CADM2: variants seen among roughly 807,000 people sequenced by gnomAD.
CADM2 encodes cell adhesion molecule 2.
Under a neutral mutation model 49.8 loss-of-function variants are expected in CADM2, and 12 were observed. The ratio of observed to expected loss-of-function variants is 0.24; its 90% CI spans 0.15 to 0.39. CADM2 has a LOEUF of 0.39. Among genes scored for constraint, CADM2 ranks in the 10% least tolerant of loss-of-function variants. CADM2 has a pLI of 1.00. For synonymous variants in CADM2, 214 were observed against 175.4 expected, an observed-to-expected ratio of 1.22 and a Z score of -1.74; for missense variants, 378 against 492.3, an observed-to-expected ratio of 0.77 and a Z score of 2.20.
At chr3:85,086,457 GA>G (rs2037379889) in intron 1 of CADM2, among the ~76,000 whole-genome samples, 1 of 146,506 alleles carries the variant, frequency 6.8e-6, no homozygotes, top group African/African-American at 2.5e-5. Flanking sequence ...TATTTTTAAA[GA>G]AAATATAGAT....
chr3:85,959,104 ATATC>A (rs1724480998), intron 7 of CADM2, among the ~76,000 whole-genome samples: 2 of 149,880 alleles, frequency 1.3e-5, no homozygotes, highest in Admixed American at 1.3e-4. Flanking sequence ...TTATATCTGT[ATATC>A]TATATCTATA....
chr3:85,675,904 C>A (rs2065874813), intron 1 of CADM2, among the ~76,000 whole-genome samples: 1 of 152,164 alleles, frequency 6.6e-6, no homozygotes, highest in South Asian at 2.1e-4. Flanking sequence ...ACATAATGTG[C>A]ATGGCATTGG....
chr3:85,670,554 A>C (rs1049975777), intron 1 of CADM2, among the ~76,000 whole-genome samples: 2 of 152,110 alleles, frequency 1.3e-5, no homozygotes, highest in African/African-American at 4.8e-5. Flanking sequence ...TTCATAACTC[A>C]GCTTAGATCT....
chr3:85,640,802 G>A (rs1281561690), intron 1 of CADM2, among the ~76,000 whole-genome samples: 1 of 152,192 alleles, frequency 6.6e-6, no homozygotes, highest in Admixed American at 6.5e-5. Flanking sequence ...TTTAGAGATT[G>A]TTGCAGAATT....
At chr3:84,968,927 G>C (rs763234596) in intron 1 of CADM2, among the ~76,000 whole-genome samples, 1 of 151,924 alleles carries the variant, frequency 6.6e-6, no homozygotes, top group African/African-American at 2.4e-5. Flanking sequence ...TTTTATTTTC[G>C]GGTTTTAATT....
chr3:85,951,327 T>A (rs1723397807), intron 7 of CADM2, among the ~76,000 whole-genome samples: 1 of 151,144 alleles, frequency 6.6e-6, no homozygotes, highest in South Asian at 2.1e-4. Flanking sequence ...CTGCAATAGG[T>A]GAAAAAACAC....
At chr3:85,664,403 G>A (rs569572587) in intron 1 of CADM2, among the ~76,000 whole-genome samples, 2 of 151,958 alleles carry the variant, frequency 1.3e-5, no homozygotes, top group African/African-American at 4.8e-5. Context: ...CGCATTTCAA[G>A]TGTAGCAATT....
intron 1 of CADM2, among the ~76,000 whole-genome samples, chr3:85,123,959 G>T (rs1315097344): frequency 6.6e-6 from 1 of 152,206 alleles, no homozygotes; most frequent in Admixed American, 6.5e-5. Flanking sequence ...GGAAACAAAT[G>T]TTGGGCTGGG....
chr3:85,424,611 A>G (rs2036317228), intron 1 of CADM2, among the ~76,000 whole-genome samples: 1 of 152,140 alleles, frequency 6.6e-6, no homozygotes, highest in South Asian at 2.1e-4. Flanking sequence ...AAGAGTTGTT[A>G]GAGCGTCCTG....
intron 1 of CADM2, among the ~76,000 whole-genome samples, chr3:85,085,606 G>T (rs1365899484): frequency 2.6e-5 from 4 of 152,002 alleles, no homozygotes; most frequent in East Asian, 1.9e-4. Flanking sequence ...GTGCTACTTT[G>T]CTGCATATCA....
At chr3:85,298,617 G>A (rs1359522260) in intron 1 of CADM2, among the ~76,000 whole-genome samples, 1 of 152,088 alleles carries the variant, frequency 6.6e-6, no homozygotes, top group Non-Finnish European at 1.5e-5. Flanking sequence ...AAGACCAGTT[G>A]TCACCTTTCA....
intron 1 of CADM2, among the ~76,000 whole-genome samples, chr3:84,973,067 C>T (rs1297622146): frequency 6.6e-6 from 1 of 152,096 alleles, no homozygotes; most frequent in East Asian, 1.9e-4. Context: ...GCACGTGCCA[C>T]CACGCCGGCT....
intron 1 of CADM2, among the ~76,000 whole-genome samples, chr3:85,019,108 A>G (rs1423055668): frequency 6.6e-6 from 1 of 152,202 alleles, no homozygotes; most frequent in Non-Finnish European, 1.5e-5. Context: ...AAAATATAAT[A>G]TGGACAAGAA....
chr3:85,857,710 C>A (rs958654767), intron 3 of CADM2, among the ~76,000 whole-genome samples: 1 of 152,102 alleles, frequency 6.6e-6, no homozygotes, highest in African/African-American at 2.4e-5. Flanking sequence ...CTTATAATAG[C>A]TGTTTCCACA....
Position 85,052,613 on chromosome 3 carries a change from A to G in CADM2, c.61+92945A>G, listed in dbSNP as rs939149931. On this transcript the variant is annotated intron_variant, in intron 1 of 9. Transcript: ENST00000383699. ...TCCAATGCCATTTTCTTCAATAAAA[A>G]ATCAACTCTAAATTCTAAGGAACAG... is the stretch of plus-strand genomic sequence containing the variant. Among the ~76,000 whole-genome samples the G allele has an allele frequency of 2.6e-5, 4 of 152,232 alleles. No homozygotes were observed. In the East Asian group the frequency reaches 7.7e-4, roughly 29 times the overall value.
chr3:85,363,243 G>C (rs1046279198), intron 1 of CADM2, among the ~76,000 whole-genome samples: 2 of 152,112 alleles, frequency 1.3e-5, no homozygotes, highest in Non-Finnish European at 1.5e-5. Flanking sequence ...CATAGTGTGC[G>C]TATACTGAGA....
At chr3:85,197,421 C>T (rs1404772074) in intron 1 of CADM2, among the ~76,000 whole-genome samples, 2 of 151,922 alleles carry the variant, frequency 1.3e-5, no homozygotes, top group East Asian at 3.9e-4. Flanking sequence ...CTTTGTGCCA[C>T]TCTGTCTAAT....
intron 3 of CADM2, among the ~76,000 whole-genome samples, chr3:85,856,311 A>T (rs1441059033): frequency 6.6e-6 from 1 of 152,178 alleles, no homozygotes; most frequent in Non-Finnish European, 1.5e-5. Context: ...TAAGTGCTGA[A>T]CCACACATTC....
At chr3:85,292,006 C>G (rs935826328) in intron 1 of CADM2, among the ~76,000 whole-genome samples, 7 of 151,894 alleles carry the variant, frequency 4.6e-5, no homozygotes, top group African/African-American at 7.3e-5. Flanking sequence ...ATTGGATAAA[C>G]AGTCAAGACC....
Sources: allele counts gnomAD v4.1 joint callset (sites outside exome capture counted in the v4.1 genomes callset), GRCh38; gene constraint gnomAD v4.1.1; transcripts MANE v1.5; gene names NCBI Gene and HGNC (gene_info 2026-07-23, HGNC 2026-07-21).